Variants in NR2F1-AS1 observed in about 807,000 individuals in gnomAD.
NR2F1-AS1 encodes NR2F1 regulatory antisense RNA 1, also known as NR2F1 antisense RNA 1.
chr5:93,501,356 AT>A (rs70975858), intron 4 of NR2F1-AS1, among the ~76,000 whole-genome samples: 1,994 of 137,142 alleles, frequency 0.015, 56 homozygotes, highest in African/African-American at 0.051. Context: ...GTTTGGGGGA[AT>A]TTTTTTTTTT....
At chr5:93,554,173 T>A (rs944885926) in intron 3 of NR2F1-AS1, among the ~76,000 whole-genome samples, 1 of 152,182 alleles carries the variant, frequency 6.6e-6, no homozygotes, top group East Asian at 1.9e-4. Context: ...ATCAGAAGTA[T>A]ATAATGATGA....
rs191599834 is a variant in NR2F1-AS1, at chr5:93,538,400, A to G, written n.638+15361T>C. On this transcript the variant is annotated intron_variant and non_coding_transcript_variant, in intron 4 of 5. Transcript: ENST00000660523. The stretch of plus-strand genomic sequence containing the variant: ...TCAGATGGGAGGATCACCTGAACCC[A>G]GGAAGTTGAGGCTGCAGTGAGCCAT... Among the ~76,000 whole-genome samples, 15 of 152,256 alleles carry G rather than the reference A, an allele frequency of 9.9e-5. No homozygotes were observed. In the East Asian group the frequency reaches 2.7e-3, roughly 28 times the overall value.
chr5:93,565,717 C>A (rs1394287487), intron 1 of NR2F1-AS1, among the ~76,000 whole-genome samples: 1 of 151,706 alleles, frequency 6.6e-6, no homozygotes, highest in Non-Finnish European at 1.5e-5. Context: ...TTCTCTGGAA[C>A]TTTAAAGGTC....
chr5:93,515,229 T>G (rs561702625), intron 4 of NR2F1-AS1, among the ~76,000 whole-genome samples: 1 of 151,976 alleles, frequency 6.6e-6, no homozygotes, highest in South Asian at 2.1e-4. Flanking sequence ...TTAAATTGAT[T>G]TCAAATCATT....
At chr5:93,452,744 G>C (rs1232162115) in intron 4 of NR2F1-AS1, among the ~76,000 whole-genome samples, 1 of 152,184 alleles carries the variant, frequency 6.6e-6, no homozygotes, top group Non-Finnish European at 1.5e-5. Flanking sequence ...TATTTGTAGA[G>C]TTAGCAGTAA....
At chr5:93,542,323 A>C (rs1580317580) in intron 4 of NR2F1-AS1, 1 of 152,162 alleles carries the variant, frequency 6.6e-6, no homozygotes, top group South Asian at 2.1e-4. Context: ...TTCTATTTTC[A>C]GTAATGGAAG....
chr5:93,581,751 T>TCTCCC (rs1753063732), upstream of NR2F1-AS1, among the ~76,000 whole-genome samples: 1 of 32,040 alleles, frequency 3.1e-5, no homozygotes, highest in Non-Finnish European at 5.4e-5. Flanking sequence ...TCCCTCTCCC[T>TCTCCC]CTCCCTCTCC....
At chr5:93,453,699 T>C (rs1749885510) in intron 4 of NR2F1-AS1, among the ~76,000 whole-genome samples, 1 of 152,046 alleles carries the variant, frequency 6.6e-6, no homozygotes, top group South Asian at 2.1e-4. Context: ...TGGAGTGACA[T>C]CTTTAAAGTA....
intron 4 of NR2F1-AS1, chr5:93,543,480 T>C (rs1437360708): frequency 4.6e-5 from 7 of 152,092 alleles, no homozygotes; most frequent in Non-Finnish European, 1.0e-4. Context: ...ACTCAATGTA[T>C]TGCATTTGCA....
At chr5:93,555,966 C>A (rs985267797) in intron 2 of NR2F1-AS1, among the ~76,000 whole-genome samples, 3 of 152,086 alleles carry the variant, frequency 2.0e-5, no homozygotes, top group African/African-American at 7.2e-5. Context: ...ACAACAATTT[C>A]TCGAAGCTGT....
At chr5:93,430,699 T>C (rs1162143543) in intron 4 of NR2F1-AS1, among the ~76,000 whole-genome samples, 2 of 152,150 alleles carry the variant, frequency 1.3e-5, no homozygotes, top group Admixed American at 1.3e-4. Context: ...AGAAATGCCA[T>C]GCATATCTTA....
At chr5:93,478,907 G>A (rs1750543573) in intron 4 of NR2F1-AS1, among the ~76,000 whole-genome samples, 1 of 152,160 alleles carries the variant, frequency 6.6e-6, no homozygotes, top group South Asian at 2.1e-4. Context: ...AAACTGGAAA[G>A]CTTTTAAGAA....
intron 4 of NR2F1-AS1, among the ~76,000 whole-genome samples, chr5:93,537,643 A>G (rs1332684395): frequency 6.6e-6 from 1 of 152,222 alleles, no homozygotes; most frequent in Non-Finnish European, 1.5e-5. Context: ...ATTTTCAAAA[A>G]GACAAAAGAA....
At chr5:93,489,672 T>G (rs1016569784) in intron 4 of NR2F1-AS1, among the ~76,000 whole-genome samples, 2 of 152,122 alleles carry the variant, frequency 1.3e-5, no homozygotes, top group African/African-American at 4.8e-5. Context: ...AAGAAACCTC[T>G]AAAAAGCACT....
At chr5:93,581,243 G>A (rs1239760618), upstream of NR2F1-AS1, 2 of 152,608 alleles carry the variant, frequency 1.3e-5, no homozygotes, top group East Asian at 1.9e-4. Context: ...CTCGCGAGTC[G>A]AGGGGCGGGC....
At chr5:93,428,989 G>T (rs1749252437) in intron 4 of NR2F1-AS1, among the ~76,000 whole-genome samples, 1 of 152,112 alleles carries the variant, frequency 6.6e-6, no homozygotes, top group African/African-American at 2.4e-5. Context: ...TTATGGCTTT[G>T]TAGAATGACT....
chr5:93,468,997 C>A (rs115589826), intron 4 of NR2F1-AS1, among the ~76,000 whole-genome samples: 298 of 152,146 alleles, frequency 2.0e-3, no homozygotes, highest in African/African-American at 6.8e-3. Context: ...TTCTGTTCCA[C>A]TGATGTATAT....
At chr5:93,422,821 T>C (rs1436073295) in intron 4 of NR2F1-AS1, among the ~76,000 whole-genome samples, 3 of 152,086 alleles carry the variant, frequency 2.0e-5, no homozygotes, top group Non-Finnish European at 4.4e-5. Flanking sequence ...ATTTCAAAGG[T>C]CCTGGAACAA....
chr5:93,582,038 T>C, upstream of NR2F1-AS1, among the ~76,000 whole-genome samples: 1 of 128,480 alleles, frequency 7.8e-6, no homozygotes, highest in Non-Finnish European at 1.6e-5. Context: ...TCGCGCGCTC[T>C]CCTCTCTCCT....
Sources: allele counts gnomAD v4.1 joint callset (sites outside exome capture counted in the v4.1 genomes callset), GRCh38; gene constraint gnomAD v4.1.1; transcripts MANE v1.5; gene names NCBI Gene and HGNC (gene_info 2026-07-23, HGNC 2026-07-21).